The following LEPR variants were observed in gnomAD, a reference collection of about 807,000 sequenced individuals.
LEPR encodes OB receptor.
Under a neutral mutation model 114.7 loss-of-function variants are expected in LEPR, and 56 were observed. The ratio of observed to expected loss-of-function variants is 0.49; its 90% confidence interval spans 0.39 to 0.61. The LOEUF is 0.61. Ranked by LOEUF, LEPR falls within the 20% of genes least tolerant of loss-of-function variation. The pLI, the probability that LEPR is intolerant of heterozygous loss-of-function variation, is 0.00. For synonymous variants in LEPR, 443 were observed against 461.4 expected (o/e 0.96, Z 0.51); for missense variants, 1,202 against 1,352.9 (o/e 0.89, Z 1.75).
chr1:65,436,069 A>T, intron 2 of LEPR: 5 of 984,882 alleles, frequency 5.1e-6, no homozygotes, highest in Non-Finnish European at 6.0e-6. Flanking sequence ...GGTACGTTAC[A>T]TTTGGAAAGG....
intron 14 of LEPR, among the ~76,000 whole-genome samples, chr1:65,615,573 C>G (rs905817217): frequency 1.3e-5 from 2 of 152,058 alleles, no homozygotes; most frequent in African/African-American, 4.8e-5. Context: ...ATGATTAACA[C>G]CTTCACAGCT....
At chr1:65,450,837 C>T (rs1174539185) in intron 2 of LEPR, among the ~76,000 whole-genome samples, 2 of 151,788 alleles carry the variant, frequency 1.3e-5, no homozygotes, top group East Asian at 3.9e-4. Flanking sequence ...TTCTAGATCC[C>T]TGAGGAATCG....
intron 14 of LEPR, among the ~76,000 whole-genome samples, chr1:65,614,516 C>T (rs1332686797): frequency 2.0e-5 from 3 of 152,154 alleles, no homozygotes; most frequent in Non-Finnish European, 4.4e-5. Flanking sequence ...TGTACATAAG[C>T]ACTGTACTCT....
intron 19 of LEPR, among the ~76,000 whole-genome samples, chr1:65,624,403 A>C (rs757944953): frequency 6.6e-6 from 1 of 152,182 alleles, no homozygotes; most frequent in Non-Finnish European, 1.5e-5. Flanking sequence ...CTTGTTTTAG[A>C]GGCAAGATTA....
At chr1:65,453,854 G>A (rs1286563448) in intron 2 of LEPR, among the ~76,000 whole-genome samples, 10 of 151,628 alleles carry the variant, frequency 6.6e-5, no homozygotes, top group South Asian at 6.3e-4. Context: ...TTTCTGTCTC[G>A]TTGATCTGTC....
intron 2 of LEPR, among the ~76,000 whole-genome samples, chr1:65,470,382 C>A (rs1647068528): frequency 1.3e-5 from 2 of 152,192 alleles, no homozygotes; most frequent in Non-Finnish European, 2.9e-5. Flanking sequence ...TAATCTTTGG[C>A]TGGTCTTTCC....
chr1:65,499,024 C>T (rs926070565), intron 2 of LEPR, among the ~76,000 whole-genome samples: 2 of 152,026 alleles, frequency 1.3e-5, no homozygotes, highest in Non-Finnish European at 2.9e-5. Flanking sequence ...TGGCCATCAG[C>T]GAGTCTCTGA....
intron 19 of LEPR, among the ~76,000 whole-genome samples, chr1:65,630,706 G>C (rs903308234): frequency 1.3e-5 from 2 of 151,772 alleles, no homozygotes; most frequent in Non-Finnish European, 2.9e-5. Context: ...TTGTGTGTGT[G>C]TGTGTGTGTG....
At chr1:65,491,575 G>A (rs998271380) in intron 2 of LEPR, among the ~76,000 whole-genome samples, 1 of 152,084 alleles carries the variant, frequency 6.6e-6, no homozygotes, top group Non-Finnish European at 1.5e-5. Flanking sequence ...CTAAGATTTT[G>A]TCTTTTAAGG....
At chr1:65,534,153 C>A (rs1650594753) in intron 2 of LEPR, among the ~76,000 whole-genome samples, 1 of 152,056 alleles carries the variant, frequency 6.6e-6, no homozygotes, top group South Asian at 2.1e-4. Flanking sequence ...TTTCTGCTTT[C>A]TTTATTTGCC....
At chr1:65,612,090 C>T (rs543266817) in intron 14 of LEPR, among the ~76,000 whole-genome samples, 11 of 152,150 alleles carry the variant, frequency 7.2e-5, no homozygotes, top group Non-Finnish European at 1.5e-4. Context: ...TCAATGATTA[C>T]GGTTCTCCAA....
chr1:65,461,473 T>A (rs953742494), intron 2 of LEPR, among the ~76,000 whole-genome samples: 1 of 152,220 alleles, frequency 6.6e-6, no homozygotes, highest in Admixed American at 6.5e-5. Context: ...GGGTTCCTAA[T>A]GGCTGAAGAC....
At chr1:65,506,638 T>C (rs973698835) in intron 2 of LEPR, among the ~76,000 whole-genome samples, 24 of 152,294 alleles carry the variant, frequency 1.6e-4, no homozygotes, top group Admixed American at 6.5e-4. Context: ...ACTTTTTTTT[T>C]CCTCCAAATT....
chr1:65,448,605 T>C (rs1490967159), intron 2 of LEPR, among the ~76,000 whole-genome samples: 1 of 152,216 alleles, frequency 6.6e-6, no homozygotes, highest in Non-Finnish European at 1.5e-5. Flanking sequence ...TATAATTTCT[T>C]CCTTAAATGT....
chr1:65,627,914 A>T (rs979425441), intron 19 of LEPR, among the ~76,000 whole-genome samples: 1 of 152,142 alleles, frequency 6.6e-6, no homozygotes, highest in African/African-American at 2.4e-5. Flanking sequence ...AGTACTCTTA[A>T]CCTGAAATTT....
At chr1:65,424,608 T>C (rs1646321508) in intron 1 of LEPR, among the ~76,000 whole-genome samples, 1 of 152,212 alleles carries the variant, frequency 6.6e-6, no homozygotes, top group African/African-American at 2.4e-5. Context: ...ATAAGAAATA[T>C]ATTTTAGACT....
intron 5 of LEPR, chr1:65,576,794 CT>C (rs34540970): frequency 6.8e-5 from 16 of 236,188 alleles, no homozygotes; most frequent in South Asian, 2.6e-4. Flanking sequence ...ATATGGTCCC[CT>C]TTTTTTGGAA....
At chr1:65,440,699 T>A (rs2100279192) in intron 2 of LEPR, among the ~76,000 whole-genome samples, 1 of 152,060 alleles carries the variant, frequency 6.6e-6, no homozygotes, top group Admixed American at 6.6e-5. Context: ...GGAGATAAGA[T>A]AATGTGTGTG....
In LEPR at chr1:65,609,976, A is replaced by G. The variant is rs747765385; in HGVS notation, c.1782A>G (p.Lys594=). The change falls in exon 13 of 20, where the codon AAA becomes AAG. Residue 594 remains lysine (K), a synonymous_variant. Transcript: ENST00000349533. ...ATGAGGTTTATGATGCAAAATCAAA[A>G]TCTGTCAGTCTCCCAGTTCCAGACT... ...KMYEVYDAKS[K]SVSLPVPDLC... 1.9e-6 allele frequency: 3 copies of G among 1,614,190 alleles called. No homozygotes were observed. The highest frequency in any genetic ancestry group is 2.5e-6 in the Non-Finnish European group (3 of 1,180,000).
Sources: allele counts gnomAD v4.1 joint callset (sites outside exome capture counted in the v4.1 genomes callset), GRCh38; gene constraint gnomAD v4.1.1; transcripts MANE v1.5; gene names NCBI Gene and HGNC (gene_info 2026-07-23, HGNC 2026-07-21).